Variants in EFNA5 observed in about 807,000 individuals in gnomAD.
EFNA5 encodes the protein ephrin-A5.
A neutral mutation model predicts 22.9 loss-of-function variants in EFNA5; 5 were observed. The ratio of observed to expected loss-of-function variants is 0.22; its 90% confidence interval spans 0.11 to 0.46. The LOEUF is 0.46. Among genes scored for constraint, EFNA5 ranks in the 20% least tolerant of loss-of-function variants. EFNA5 has a pLI of 0.99. For missense variants in EFNA5, 237 were observed against 293.3 expected (o/e 0.81, Z 1.40); for synonymous variants, 113 against 112.2 (o/e 1.01, Z -0.04).
intron 1 of EFNA5, among the ~76,000 whole-genome samples, chr5:107,564,480 G>C (rs1413272851): frequency 1.3e-5 from 2 of 152,134 alleles, no homozygotes; most frequent in Non-Finnish European, 2.9e-5. Context: ...TCCTGTGTCT[G>C]TTATTAGGAT....
intron 1 of EFNA5, among the ~76,000 whole-genome samples, chr5:107,460,941 T>C (rs555045059): frequency 3.7e-4 from 56 of 152,272 alleles, no homozygotes; most frequent in African/African-American, 1.3e-3. Context: ...ACGGTATTCA[T>C]TCCACATCTA....
chr5:107,527,208 A>C (rs115964911), intron 1 of EFNA5, among the ~76,000 whole-genome samples: 2,186 of 152,314 alleles, frequency 0.014, 53 homozygotes, highest in African/African-American at 0.049. Flanking sequence ...CAAAGGGTAT[A>C]ATATAATCAT....
chr5:107,566,156 C>T (rs164851), intron 1 of EFNA5, among the ~76,000 whole-genome samples: 34,345 of 152,128 alleles, frequency 0.23, 4,664 homozygotes, highest in African/African-American at 0.37. Flanking sequence ...CTGCTCCTGC[C>T]CCCCTCTAAG....
chr5:107,525,253 A>G, intron 1 of EFNA5, among the ~76,000 whole-genome samples: 1 of 152,178 alleles, frequency 6.6e-6, no homozygotes, highest in East Asian at 1.9e-4. Context: ...CTTGGCACAT[A>G]CAGTTCTTGG....
intron 4 of EFNA5, among the ~76,000 whole-genome samples, chr5:107,383,365 C>A (rs1747521267): frequency 6.6e-6 from 1 of 152,208 alleles, no homozygotes; most frequent in Non-Finnish European, 1.5e-5. Flanking sequence ...CTTCTATTCT[C>A]TGCTCTTTTT....
At chr5:107,416,834 A>T (rs910871289) in intron 2 of EFNA5, among the ~76,000 whole-genome samples, 3 of 152,196 alleles carry the variant, frequency 2.0e-5, no homozygotes, top group Non-Finnish European at 4.4e-5. Context: ...GCTTACTTAG[A>T]TTTGCCCATT....
intron 1 of EFNA5, among the ~76,000 whole-genome samples, chr5:107,528,321 T>C (rs1747740183): frequency 6.6e-6 from 1 of 152,198 alleles, no homozygotes; most frequent in African/African-American, 2.4e-5. Flanking sequence ...GGAGAAATAA[T>C]AATGTCTTTT....
chr5:107,450,596 G>C (rs1287614793), intron 1 of EFNA5, among the ~76,000 whole-genome samples: 3 of 152,170 alleles, frequency 2.0e-5, no homozygotes, highest in Non-Finnish European at 4.4e-5. Flanking sequence ...ATTGATAAAA[G>C]CATGAAACAC....
intron 1 of EFNA5, among the ~76,000 whole-genome samples, chr5:107,555,924 C>G (rs769067970): frequency 3.9e-5 from 6 of 152,214 alleles, no homozygotes; most frequent in African/African-American, 9.6e-5. Flanking sequence ...CTCTATCCAA[C>G]TCACCAGCTC....
At chr5:107,549,257 A>T (rs904436961) in intron 1 of EFNA5, among the ~76,000 whole-genome samples, 2 of 152,208 alleles carry the variant, frequency 1.3e-5, no homozygotes, top group African/African-American at 4.8e-5. Context: ...GTGGTCAAAA[A>T]CACTGAGGCT....
At chr5:107,512,510 A>T (rs2112435518) in intron 1 of EFNA5, among the ~76,000 whole-genome samples, 1 of 152,086 alleles carries the variant, frequency 6.6e-6, no homozygotes, top group East Asian at 1.9e-4. Flanking sequence ...ACAGAGAGTC[A>T]CAGAAGGCAC....
At chr5:107,427,900 A>C (rs1748848209) in intron 1 of EFNA5, among the ~76,000 whole-genome samples, 1 of 152,120 alleles carries the variant, frequency 6.6e-6, no homozygotes, top group African/African-American at 2.4e-5. Flanking sequence ...ATAGTGTTTC[A>C]CTTGATAAAT....
In EFNA5 at chr5:107,564,388, T is replaced by C. The variant is rs979027730; in HGVS notation, c.125+106101A>G. Reference sequence around the variant, plus strand: ...CTTCCCGCCAACATGGGGCTTCCTCTTTCACACATATACAGCATTTGGTAT... The same window carrying C: ...CTTCCCGCCAACATGGGGCTTCCTCCTTCACACATATACAGCATTTGGTAT... On this transcript the variant is annotated intron_variant, in intron 1 of 4. Coordinates refer to ENST00000333274, the MANE Select transcript of EFNA5 (RefSeq NM_001962.3). 4.6e-5 allele frequency among the ~76,000 whole-genome samples: 7 copies of C among 152,338 alleles called. No individual in the cohort carries two copies. In the South Asian group the frequency reaches 1.0e-3, roughly 23 times the overall value.
intron 1 of EFNA5, among the ~76,000 whole-genome samples, chr5:107,629,403 C>G (rs1750197751): frequency 6.6e-6 from 1 of 152,130 alleles, no homozygotes; most frequent in South Asian, 2.1e-4. Flanking sequence ...TCAAGCTACT[C>G]TGTATGATAC....
At chr5:107,581,919 C>A (rs1749081790) in intron 1 of EFNA5, among the ~76,000 whole-genome samples, 1 of 152,128 alleles carries the variant, frequency 6.6e-6, no homozygotes, top group Non-Finnish European at 1.5e-5. Flanking sequence ...CTTATATGAC[C>A]AACATCAAAT....
intron 2 of EFNA5, among the ~76,000 whole-genome samples, chr5:107,411,138 G>C (rs1746716938): frequency 6.6e-6 from 1 of 152,084 alleles, no homozygotes; most frequent in Admixed American, 6.5e-5. Flanking sequence ...CAACACACTA[G>C]AAATATAAGT....
At chr5:107,494,264 CGGG>C (rs1746901723) in intron 1 of EFNA5, among the ~76,000 whole-genome samples, 1 of 151,074 alleles carries the variant, frequency 6.6e-6, no homozygotes, top group African/African-American at 2.5e-5. Context: ...GCGTGAGCTG[CGGG>C]CGGCTGCGGG....
chr5:107,513,294 A>T (rs152556), intron 1 of EFNA5, among the ~76,000 whole-genome samples: 93,682 of 151,852 alleles, frequency 0.62, 29,678 homozygotes, highest in East Asian at 0.75. Flanking sequence ...ATCAAATAAA[A>T]GCCTGTTGGG....
chr5:107,439,680 A>G (rs144881137), intron 1 of EFNA5, among the ~76,000 whole-genome samples: 272 of 152,050 alleles, frequency 1.8e-3, no homozygotes, highest in Middle Eastern at 6.8e-3. Context: ...TATTTTTCTA[A>G]GTAAGCATAG....
Sources: allele counts gnomAD v4.1 joint callset (sites outside exome capture counted in the v4.1 genomes callset), GRCh38; gene constraint gnomAD v4.1.1; transcripts MANE v1.5; gene names NCBI Gene and HGNC (gene_info 2026-07-23, HGNC 2026-07-21).